Variants in MCU observed in about 807,000 individuals in gnomAD.
MCU encodes mitochondrial calcium uniporter.
A neutral mutation model predicts 45.2 loss-of-function variants in MCU; 12 were observed. That is an observed-to-expected ratio of 0.27 (90% CI 0.17 to 0.43). The LOEUF is 0.43. Among genes scored for constraint, MCU ranks in the 20% least tolerant of loss-of-function variants. The pLI, the probability that MCU is intolerant of heterozygous loss-of-function variation, is 1.00. For synonymous variants in MCU, 160 were observed against 165.1 expected (o/e 0.97, Z 0.24); for missense variants, 324 against 436.7 (o/e 0.74, Z 2.30).
intron 1 of MCU, among the ~76,000 whole-genome samples, chr10:72,805,759 G>A (rs932239597): frequency 5.9e-5 from 9 of 152,122 alleles, no homozygotes; most frequent in Admixed American, 5.2e-4. Context: ...AGTCTGTTAT[G>A]TACAGGCACT....
At chr10:72,833,794 T>G (rs1475588619) in intron 1 of MCU, among the ~76,000 whole-genome samples, 2 of 152,136 alleles carry the variant, frequency 1.3e-5, no homozygotes, top group Non-Finnish European at 2.9e-5. Flanking sequence ...TGAGTGTGAG[T>G]GATTTTTTCT....
At chr10:72,710,076 A>G (rs1842870676) in intron 1 of MCU, among the ~76,000 whole-genome samples, 1 of 152,184 alleles carries the variant, frequency 6.6e-6, no homozygotes. Context: ...CCCTGGTTCA[A>G]GCAATTCTCC....
intron 2 of MCU, among the ~76,000 whole-genome samples, chr10:72,844,702 A>G (rs1011658588): frequency 2.6e-5 from 4 of 152,208 alleles, no homozygotes; most frequent in South Asian, 2.1e-4. Flanking sequence ...TGTCTAACAT[A>G]TAATTTAACA....
intron 2 of MCU, among the ~76,000 whole-genome samples, chr10:72,850,292 A>T (rs756876021): frequency 6.6e-6 from 1 of 152,156 alleles, no homozygotes; most frequent in Non-Finnish European, 1.5e-5. Flanking sequence ...CACACTTATG[A>T]TGCAGAATAT....
intron 2 of MCU, among the ~76,000 whole-genome samples, chr10:72,848,774 G>T (rs1480044594): frequency 6.6e-6 from 1 of 152,050 alleles, no homozygotes; most frequent in East Asian, 1.9e-4. Context: ...ATGTATAAAT[G>T]GATGGAAATG....
At chr10:72,742,393 T>C (rs1843347789) in intron 1 of MCU, among the ~76,000 whole-genome samples, 1 of 152,140 alleles carries the variant, frequency 6.6e-6, no homozygotes, top group African/African-American at 2.4e-5. Flanking sequence ...ATCATAGGGT[T>C]TTTTCAGACT....
intron 1 of MCU, among the ~76,000 whole-genome samples, chr10:72,713,969 G>C (rs1935220284): frequency 6.6e-6 from 1 of 151,340 alleles, no homozygotes; most frequent in Admixed American, 6.6e-5. Flanking sequence ...GTGTGTGTGT[G>C]TGTGTGTGTG....
At chr10:72,802,369 A>G (rs1003228088) in intron 1 of MCU, among the ~76,000 whole-genome samples, 8 of 151,394 alleles carry the variant, frequency 5.3e-5, no homozygotes, top group African/African-American at 1.9e-4. Context: ...ATAATATTGT[A>G]CTTAATTGAA....
intron 1 of MCU, among the ~76,000 whole-genome samples, chr10:72,695,417 A>G (rs1466401182): frequency 2.0e-5 from 3 of 152,212 alleles, no homozygotes; most frequent in African/African-American, 7.2e-5. Context: ...GCCCAATCTT[A>G]TTATGCCAGA....
chr10:72,773,325 A>G (rs566964121), intron 1 of MCU, among the ~76,000 whole-genome samples: 77 of 152,050 alleles, frequency 5.1e-4, no homozygotes, highest in African/African-American at 1.8e-3. Flanking sequence ...AATCTTGGAA[A>G]TGAAAAACAC....
At chr10:72,738,958 T>C (rs1407682318) in intron 1 of MCU, among the ~76,000 whole-genome samples, 2 of 152,250 alleles carry the variant, frequency 1.3e-5, no homozygotes, top group Non-Finnish European at 2.9e-5. Flanking sequence ...CTTTTGTTTT[T>C]ACTATTATTA....
intron 1 of MCU, among the ~76,000 whole-genome samples, chr10:72,696,529 A>AT (rs1564531288): frequency 6.6e-6 from 1 of 151,978 alleles, no homozygotes; most frequent in East Asian, 1.9e-4. Flanking sequence ...ACCCTTTTCT[A>AT]TTGTTGTCTT....
At chr10:72,766,999 A>G (rs1015569613) in intron 1 of MCU, 2 of 152,182 alleles carry the variant, frequency 1.3e-5, no homozygotes, top group African/African-American at 4.8e-5. Flanking sequence ...AAGTTTGACA[A>G]TTGTATGTGA....
chr10:72,860,463 C>A lies in MCU; in HGVS notation c.432C>A (p.Leu144=), dbSNP rs148854509. The A allele has an allele frequency of 2.4e-5, 39 of 1,613,956 alleles. No homozygotes were observed. The highest frequency in any genetic ancestry group is 4.0e-5 in the African/African-American group (3 of 74,934). The change falls in exon 4 of 8, where the codon CTC becomes CTA. Residue 144 remains leucine (L), a synonymous_variant. Coordinates refer to ENST00000373053, the MANE Select transcript of MCU (RefSeq NM_138357.3). ...RVAASTGIDL[L]LLDDFKLVIN... Reference sequence around the variant, plus strand: ...CTGCTTCAACAGGAATAGACCTCCTCCTCCTTGATGACTTTAAGCTGGTCA... The same window carrying A: ...CTGCTTCAACAGGAATAGACCTCCTACTCCTTGATGACTTTAAGCTGGTCA...
chr10:72,734,729 T>C (rs1013649846), intron 1 of MCU, among the ~76,000 whole-genome samples: 1 of 151,968 alleles, frequency 6.6e-6, no homozygotes, highest in Admixed American at 6.6e-5. Flanking sequence ...TCCTCCCACC[T>C]CTGCCTCCCA....
intron 7 of MCU, among the ~76,000 whole-genome samples, chr10:72,884,943 G>T (rs1285791924): frequency 6.6e-6 from 1 of 152,018 alleles, no homozygotes; most frequent in Non-Finnish European, 1.5e-5. Flanking sequence ...TTTGATTTTG[G>T]TGAATAAACC....
intron 5 of MCU, among the ~76,000 whole-genome samples, chr10:72,869,679 A>G (rs957171097): frequency 9.2e-5 from 14 of 152,234 alleles, no homozygotes; most frequent in Non-Finnish European, 1.9e-4. Flanking sequence ...ACTATATAGC[A>G]TTTACATTGT....
At chr10:72,801,071 C>T (rs758069172) in intron 1 of MCU, among the ~76,000 whole-genome samples, 3 of 152,052 alleles carry the variant, frequency 2.0e-5, no homozygotes, top group Non-Finnish European at 4.4e-5. Flanking sequence ...CCAGCCTGAA[C>T]GATAGAGTGA....
intron 2 of MCU, among the ~76,000 whole-genome samples, chr10:72,848,235 T>C (rs1240046184): frequency 6.6e-6 from 1 of 152,226 alleles, no homozygotes; most frequent in Non-Finnish European, 1.5e-5. Flanking sequence ...AAGAGGCATC[T>C]ATACTATCTT....
Sources: gnomAD v4.1 joint callset for allele counts (sites outside exome capture counted in the v4.1 genomes callset) on GRCh38, gnomAD v4.1.1 for gene constraint, MANE v1.5 for transcripts, NCBI Gene and HGNC (gene_info 2026-07-23, HGNC 2026-07-21) for gene names.